The following CTXND1 variants were observed in gnomAD, a reference collection of about 807,000 sequenced individuals.
CTXND1 encodes cortexin domain containing 1, also known as cortexin domain-containing 1 protein.
At chr15:80,232,624 C>G (rs1466581835) in intron 1 of CTXND1, among the ~76,000 whole-genome samples, 1 of 152,190 alleles carries the variant, frequency 6.6e-6, no homozygotes, top group Non-Finnish European at 1.5e-5. Flanking sequence ...CCAACAAGAG[C>G]CTCAGGCCCA....
At chr15:80,205,002 TG>T (rs1893133870) in intron 1 of CTXND1, among the ~76,000 whole-genome samples, 1 of 152,238 alleles carries the variant, frequency 6.6e-6, no homozygotes, top group South Asian at 2.1e-4. Flanking sequence ...AGGAAGCTAC[TG>T]TTGTCAGGTC....
intron 1 of CTXND1, among the ~76,000 whole-genome samples, chr15:80,207,929 C>G (rs776238022): frequency 6.6e-6 from 1 of 152,200 alleles, no homozygotes; most frequent in Non-Finnish European, 1.5e-5. Context: ...CTTGAGATAG[C>G]TGAAAACTTC....
intron 1 of CTXND1, among the ~76,000 whole-genome samples, chr15:80,205,198 C>A (rs4778761): frequency 0.31 from 46,915 of 152,042 alleles, 7,402 homozygotes; most frequent in East Asian, 0.47. Context: ...TTTTTAATGG[C>A]TCTATTGTAT....
At chr15:80,230,723 CAAAGTATGGGTATTTA>C (rs1180720108) in intron 1 of CTXND1, among the ~76,000 whole-genome samples, 3 of 152,026 alleles carry the variant, frequency 2.0e-5, no homozygotes, top group Non-Finnish European at 4.4e-5. Context: ...CCCACAAGTT[CAAAGTATGGGTATTTA>C]AAAGTATGGG....
chr15:80,245,376 T>C (rs1181238572), intron 1 of CTXND1, among the ~76,000 whole-genome samples: 2 of 152,132 alleles, frequency 1.3e-5, no homozygotes, highest in Non-Finnish European at 2.9e-5. Flanking sequence ...CTAACAATCA[T>C]TTATTTTGCT....
rs2041439116 is a variant in CTXND1 at position 80,199,730 on chromosome 15, T to A, written c.*2040A>T. 6.6e-6 allele frequency: 1 copy of A among 152,280 alleles called. No homozygotes were observed. The highest frequency in any genetic ancestry group is 2.1e-4 in the South Asian group (1 of 4,836). 9.4% of individuals were successfully genotyped at this position (152,280 alleles called of 1,614,324 possible). On this transcript the variant is annotated 3_prime_UTR_variant, in exon 3 of 3. Coordinates refer to ENST00000560778, the MANE Select transcript of CTXND1 (RefSeq NM_001352888.2). ...GGGTATGAGAGGGATGACAACTGGA[T>A]AGCCCCTGAAATGCTGCCTGAAGAG...
Position 80,201,407 on chromosome 15 carries a change from T to A in CTXND1, c.*363A>T. On this transcript the variant is annotated 3_prime_UTR_variant, in exon 3 of 3. Coordinates refer to ENST00000560778, the MANE Select transcript of CTXND1 (RefSeq NM_001352888.2). ...GAGTCTCCTCAAGACAAGACCACTG[T>A]TATGTGATGGATGGGGGGTGTCTGT... 5.7e-6 allele frequency: 1 copy of A among 175,850 alleles called. No homozygotes were observed. Among genetic ancestry groups the A allele is most frequent in the Non-Finnish European group, 1.2e-5 (1 of 83,784 alleles). 10.9% of individuals were successfully genotyped at this position (175,850 alleles called of 1,614,324 possible). A position where few individuals can be genotyped will look rare whatever the true frequency, so the allele number is the denominator to read the frequency against.
chr15:80,233,279 T>G (rs1357166411), intron 1 of CTXND1, among the ~76,000 whole-genome samples: 1 of 152,158 alleles, frequency 6.6e-6, no homozygotes, highest in Non-Finnish European at 1.5e-5. Context: ...ACCTTTAAAA[T>G]GGAGAAAATA....
intron 1 of CTXND1, among the ~76,000 whole-genome samples, chr15:80,204,023 C>A (rs970087968): frequency 4.0e-5 from 6 of 149,920 alleles, no homozygotes; most frequent in Non-Finnish European, 7.4e-5. Flanking sequence ...TTTAGCCGGG[C>A]GTGGTGGTGC....
intron 1 of CTXND1, among the ~76,000 whole-genome samples, chr15:80,236,480 C>T (rs1417779644): frequency 6.6e-6 from 1 of 152,130 alleles, no homozygotes; most frequent in Non-Finnish European, 1.5e-5. Flanking sequence ...ATAGTGGTCC[C>T]GTAAGATTAT....
intron 1 of CTXND1, among the ~76,000 whole-genome samples, chr15:80,214,011 G>T (rs1893227574): frequency 1.3e-5 from 2 of 151,868 alleles, no homozygotes; most frequent in African/African-American, 4.8e-5. Context: ...AACTGGTAAG[G>T]CAATAACCTA....
intron 1 of CTXND1, among the ~76,000 whole-genome samples, chr15:80,239,324 CTGAG>C (rs930112547): frequency 3.9e-5 from 6 of 152,076 alleles, no homozygotes; most frequent in African/African-American, 9.7e-5. Flanking sequence ...ATGGTTAATA[CTGAG>C]TGTCAACTTG....
chr15:80,201,516 C>T lies in CTXND1; in HGVS notation c.*254G>A, dbSNP rs1054518095. ...TCACAGGGACTCCCCACACTGGAACCCCAGCCTCCTGGGTCCTGGTCCAGG... is the reference window on the plus strand; with the variant it reads ...TCACAGGGACTCCCCACACTGGAACTCCAGCCTCCTGGGTCCTGGTCCAGG... On this transcript the variant is annotated 3_prime_UTR_variant, in exon 3 of 3. Transcript: ENST00000560778. 21 of 350,750 alleles carry T rather than the reference C, an allele frequency of 6.0e-5. No individual in the cohort carries two copies. Among genetic ancestry groups the T allele is most frequent in the African/African-American group, 2.7e-4 (13 of 47,874 alleles). 21.7% of individuals were successfully genotyped at this position (350,750 alleles called of 1,614,324 possible). A position where few individuals can be genotyped will look rare whatever the true frequency, so the allele number is the denominator to read the frequency against.
chr15:80,221,714 T>C (rs1240510154), intron 1 of CTXND1, among the ~76,000 whole-genome samples: 1 of 152,240 alleles, frequency 6.6e-6, no homozygotes, highest in Non-Finnish European at 1.5e-5. Context: ...TTTTAAATCT[T>C]TTTTGCTTAA....
intron 1 of CTXND1, among the ~76,000 whole-genome samples, chr15:80,234,404 G>A (rs909015982): frequency 6.6e-6 from 1 of 152,066 alleles, no homozygotes; most frequent in South Asian, 2.1e-4. Context: ...GTCAGGGATA[G>A]GGTGAGACAG....
At chr15:80,215,581 C>T (rs1489017825) in intron 1 of CTXND1, among the ~76,000 whole-genome samples, 1 of 152,108 alleles carries the variant, frequency 6.6e-6, no homozygotes, top group East Asian at 1.9e-4. Flanking sequence ...AGGGGGCTTC[C>T]TGGTCTTCCT....
intron 1 of CTXND1, among the ~76,000 whole-genome samples, chr15:80,236,481 G>A (rs374623160): frequency 3.9e-5 from 6 of 152,238 alleles, no homozygotes; most frequent in Non-Finnish European, 5.9e-5. Context: ...TAGTGGTCCC[G>A]TAAGATTATA....
At chr15:80,251,974 C>T (rs1893702008) in intron 1 of CTXND1, 33 bp downstream of exon 1, 1 of 151,832 alleles carries the variant, frequency 6.6e-6, no homozygotes, top group African/African-American at 2.4e-5. Flanking sequence ...GGCGCCGCGG[C>T]AGCGGGTCCC....
intron 1 of CTXND1, among the ~76,000 whole-genome samples, chr15:80,215,964 C>T (rs748675048): frequency 5.9e-5 from 9 of 152,130 alleles, no homozygotes; most frequent in African/African-American, 1.2e-4. Flanking sequence ...TACAAATGTG[C>T]GGCCTCTCCC....
Sources: allele counts gnomAD v4.1 joint callset (sites outside exome capture counted in the v4.1 genomes callset), GRCh38; gene constraint gnomAD v4.1.1; transcripts MANE v1.5; gene names NCBI Gene and HGNC (gene_info 2026-07-23, HGNC 2026-07-21).